Variants in PPL observed in about 807,000 individuals in gnomAD.
The protein encoded by PPL is periplakin.
PPL carries 198 observed loss-of-function variants against 194.4 expected under a neutral mutation model. The ratio of observed to expected loss-of-function variants is 1.02; its 90% CI spans 0.91 to 1.15. The LOEUF (loss-of-function observed/expected upper bound fraction) is 1.15. Among genes scored for constraint, PPL ranks in the 50% most tolerant of loss-of-function variants. The pLI, the probability that PPL is intolerant of heterozygous loss-of-function variation, is 0.00. For missense variants in PPL, 2,885 were observed against 2,294.8 expected (o/e 1.26, Z -5.25); for synonymous variants, 1,220 against 972.4 (o/e 1.25, Z -4.74).
intron 6 of PPL, among the ~76,000 whole-genome samples, chr16:4,899,967 A>T (rs1431380325): frequency 6.6e-6 from 1 of 152,110 alleles, no homozygotes; most frequent in Non-Finnish European, 1.5e-5. Context: ...ACATTGACTC[A>T]TTTCATCCTC....
intron 1 of PPL, among the ~76,000 whole-genome samples, chr16:4,927,693 T>G (rs2972278): frequency 0.31 from 47,550 of 152,256 alleles, 8,166 homozygotes; most frequent in African/African-American, 0.44. Context: ...ATTAATCCTG[T>G]GGAAATATAT....
At chr16:4,932,363 G>C (rs147917270) in intron 1 of PPL, among the ~76,000 whole-genome samples, 2 of 151,714 alleles carry the variant, frequency 1.3e-5, no homozygotes, top group African/African-American at 4.8e-5. Context: ...GTGCGTGTCT[G>C]CTTGAGTCAG....
chr16:4,922,722 A>C (rs1003328662), intron 1 of PPL, among the ~76,000 whole-genome samples: 1 of 152,154 alleles, frequency 6.6e-6, no homozygotes, highest in African/African-American at 2.4e-5. Flanking sequence ...CAAGGCCTGA[A>C]GTTAGAATCC....
In PPL at chr16:4,895,692, G is replaced by A. The variant is rs1383731432; in HGVS notation, c.997C>T (p.Gln333Ter). The change falls in exon 10 of 22, where the codon CAG becomes TAG. Residue 333 changes from glutamine (Q) to a stop codon, truncating the protein, a stop_gained. Coordinates refer to ENST00000345988, the MANE Select transcript of PPL (RefSeq NM_002705.5). LOFTEE classifies it high-confidence loss of function. The stretch of plus-strand genomic sequence containing the variant: ...GAGTCCACCTTGCGCAGCAGCTCCT[G>A]AGCGTCCTTCACGTCTTCGTGAAAC... Reference protein sequence around the residue: ...HQFHEDVKDAQELLRKVDSDL... With the variant: ...HQFHEDVKDA The A allele has an allele frequency of 1.9e-6, 3 of 1,613,850 alleles. No individual in the cohort carries two copies. The highest frequency in any genetic ancestry group is 1.3e-5 in the African/African-American group (1 of 74,934).
chr16:4,920,332 A>AG (rs1491010428), intron 1 of PPL, among the ~76,000 whole-genome samples: 2 of 66,500 alleles, frequency 3.0e-5, no homozygotes, highest in Non-Finnish European at 9.6e-5. Flanking sequence ...AGAAAGAAAG[A>AG]AAGAGAGAGA....
At chr16:4,919,130 C>T (rs2088986179) in intron 1 of PPL, among the ~76,000 whole-genome samples, 1 of 152,230 alleles carries the variant, frequency 6.6e-6, no homozygotes. Context: ...ACGCCCAGCC[C>T]TCCCTTTTCT....
chr16:4,890,149 G>T, intron 18 of PPL, 35 bp downstream of exon 18: 2 of 1,613,722 alleles, frequency 1.2e-6, no homozygotes, highest in Non-Finnish European at 1.7e-6. Context: ...TCCCTTGCCA[G>T]TGTGTGCCTG....
chr16:4,916,676 T>A (rs562646499), intron 1 of PPL, among the ~76,000 whole-genome samples: 1 of 152,186 alleles, frequency 6.6e-6, no homozygotes, highest in East Asian at 1.9e-4. Flanking sequence ...AGCTAATTTT[T>A]TTTTTTTTTC....
chr16:4,915,025 G>A (rs1166391304), intron 1 of PPL, among the ~76,000 whole-genome samples: 1 of 152,226 alleles, frequency 6.6e-6, no homozygotes, highest in Non-Finnish European at 1.5e-5. Context: ...CATCGTTAGG[G>A]TCTGTACTGT....
intron 1 of PPL, among the ~76,000 whole-genome samples, chr16:4,918,831 C>T (rs932477420): frequency 1.3e-5 from 2 of 152,140 alleles, no homozygotes; most frequent in African/African-American, 4.8e-5. Context: ...AGGAAGCCAG[C>T]AGGAATGTGG....
At chr16:4,910,970 G>A (rs1288836285) in intron 1 of PPL, 21 bp from the exon 2 acceptor site, 2 of 1,601,706 alleles carry the variant, frequency 1.2e-6, no homozygotes, top group Non-Finnish European at 1.7e-6. Context: ...AAGCCGAGGG[G>A]AGATGGGCGG....
intron 2 of PPL, among the ~76,000 whole-genome samples, chr16:4,909,063 G>T (rs1289536543): frequency 6.6e-6 from 1 of 152,182 alleles, no homozygotes; most frequent in Non-Finnish European, 1.5e-5. Context: ...GGGTGGCCAG[G>T]CAGAGGCCAG....
chr16:4,901,962 AAAT>A (rs1475824376), intron 4 of PPL, among the ~76,000 whole-genome samples: 4 of 44,080 alleles, frequency 9.1e-5, no homozygotes, highest in South Asian at 1.5e-3. Context: ...ATAAATAAAT[AAAT>A]AAATAAATAA....
intron 1 of PPL, among the ~76,000 whole-genome samples, chr16:4,921,865 T>C (rs2089057179): frequency 7.6e-6 from 1 of 131,900 alleles, no homozygotes; most frequent in South Asian, 2.7e-4. Flanking sequence ...TAGGACTGTG[T>C]GCTGTCCTGG....
rs1426252006 is a variant in PPL at position 4,883,606 on chromosome 16, G to T, written c.5049C>A (p.Asn1683Lys). 6.2e-7 allele frequency: 1 copy of T among 1,614,210 alleles called. No homozygotes were observed. The highest frequency in any genetic ancestry group is 8.5e-7 in the Non-Finnish European group (1 of 1,180,040). Residue 1683 changes from asparagine to lysine, a missense_variant, in exon 22 of 22, where the codon AAC (asparagine) becomes AAA (lysine). Asn to Lys is a moderately conservative substitution (Grantham distance 94). Coordinates refer to ENST00000345988, the MANE Select transcript of PPL (RefSeq NM_002705.5). This position sits in a 1 kb window ranked among gnomAD's most constrained non-coding sequence, Gnocchi z 4.8. ...CCTGGCTTCTGAGTTTCACGAACAT[G>T]TTCCAGTCAATGAGCCCGGCACGGT... ...EAHRAGLIDWNMFVKLRSQEC... is the reference protein window; with the variant it reads ...EAHRAGLIDWKMFVKLRSQEC...
chr16:4,899,685 T>G (rs961572508), intron 6 of PPL, among the ~76,000 whole-genome samples: 6 of 113,432 alleles, frequency 5.3e-5, no homozygotes, highest in Non-Finnish European at 1.3e-4. Flanking sequence ...CACAAAACCC[T>G]TACGGAACTG....
At chr16:4,936,962 G>C (rs1183828553) in intron 1 of PPL, 22 bp downstream of exon 1, 5 of 1,582,514 alleles carry the variant, frequency 3.2e-6, no homozygotes, top group African/African-American at 2.8e-5. Context: ...GTCCCGGAGC[G>C]GAGCTGTGGG....
intron 1 of PPL, among the ~76,000 whole-genome samples, chr16:4,924,200 A>G (rs2089112858): frequency 6.6e-6 from 1 of 152,218 alleles, no homozygotes; most frequent in South Asian, 2.1e-4. Context: ...AGAAGAAATG[A>G]GCGAATTTTT....
intron 1 of PPL, among the ~76,000 whole-genome samples, chr16:4,914,749 G>A (rs2088886342): frequency 2.0e-5 from 3 of 152,198 alleles, no homozygotes; most frequent in African/African-American, 4.8e-5. Context: ...TTGGCGGGGT[G>A]GCCAGGAAGG....
Sources: gnomAD v4.1 joint callset for allele counts (sites outside exome capture counted in the v4.1 genomes callset) on GRCh38, gnomAD v4.1.1 for gene constraint, Gnocchi (gnomAD v3.1) non-coding constraint, MANE v1.5 for transcripts, NCBI Gene and HGNC (gene_info 2026-07-23, HGNC 2026-07-21) for gene names.